The following COL6A5 variants were observed in gnomAD, a reference collection of about 807,000 sequenced individuals.
The protein encoded by COL6A5 is collagen alpha-5(VI) chain.
Under a neutral mutation model 65.6 loss-of-function variants are expected in COL6A5, and 48 were observed. The observed-to-expected ratio is 0.73, with a 90% CI of 0.58 to 0.93. The LOEUF is 0.93. Among genes scored for constraint, COL6A5 ranks in the 40% least tolerant of loss-of-function variants. The probability of loss-of-function intolerance (pLI) is 0.00; values close to 1 mark genes in which losing one functional copy is unlikely to be tolerated. For synonymous variants in COL6A5, 291 were observed against 322.8 expected (o/e 0.90, Z 1.05); for missense variants, 914 against 928.3 (o/e 0.98, Z 0.20).
At chr3:130,472,703 T>C (rs2107618245) in intron 7 of COL6A5, among the ~76,000 whole-genome samples, 1 of 151,672 alleles carries the variant, frequency 6.6e-6, no homozygotes, top group East Asian at 1.9e-4. Flanking sequence ...CTATTTGTGT[T>C]GCCCCAAAGT....
intron 1 of COL6A5, among the ~76,000 whole-genome samples, chr3:130,356,831 A>G (rs1037412939): frequency 6.6e-6 from 1 of 152,194 alleles, no homozygotes; most frequent in African/African-American, 2.4e-5. Context: ...GCAGGCTTGC[A>G]TGTCAAAGCT....
At chr3:130,367,507 C>T (rs965251108) in intron 1 of COL6A5, among the ~76,000 whole-genome samples, 34 of 152,266 alleles carry the variant, frequency 2.2e-4, no homozygotes, top group African/African-American at 5.5e-4. Flanking sequence ...GCACTGGAGA[C>T]GTAAAGATGT....
chr3:130,454,651 C>T (rs1337287119), intron 4 of COL6A5, among the ~76,000 whole-genome samples: 1 of 152,140 alleles, frequency 6.6e-6, no homozygotes, highest in African/African-American at 2.4e-5. Flanking sequence ...TCACAGAGAA[C>T]TCTTAAACTG....
At chr3:130,376,388 G>A in exon 3 of COL6A5, 1 of 1,613,614 alleles carries the variant, frequency 6.2e-7, no homozygotes. Context: ...CCCTGGCCCA[G>A]TACAGCGACG....
Position 130,482,230 on chromosome 3 carries a change from T to G in COL6A5, c.2329-1805T>G, listed in dbSNP as rs137904195. On this transcript the variant is annotated intron_variant, in intron 7 of 7. Coordinates refer to ENST00000512836, the Ensembl canonical transcript of COL6A5. ...CTTGAGTTAATTTTTGTATAAAGTA[T>G]AAGGAAAGGGTCCAGTTTCAGTTTT... Among the ~76,000 whole-genome samples, 1,394 of 152,284 alleles carry G rather than the reference T, an allele frequency of 9.2e-3. 32 individuals carry two copies. Among genetic ancestry groups the G allele is most frequent in the East Asian group, 0.047 (242 of 5,182 alleles).
chr3:130,441,971 A>G (rs7638133), intron 3 of COL6A5, among the ~76,000 whole-genome samples: 2,165 of 152,232 alleles, frequency 0.014, 54 homozygotes, highest in African/African-American at 0.049. Flanking sequence ...TTGCTATTCA[A>G]AGGATCACCC....
rs935415323 is a variant in COL6A5 at position 130,484,800 on chromosome 3, A to G, written c.*759A>G. On this transcript the variant is annotated 3_prime_UTR_variant, in exon 8 of 8. Transcript: ENST00000512836. ...ACCAGAGATGTTCTTGGGAATTACA[A>G]TGTAGCAAGAGATAATTTCTAAAAT... The G allele has an allele frequency of 9.0e-5, 36 of 398,740 alleles. No homozygotes were observed. The East Asian group carries it at 9.6e-4, about 11-fold the overall frequency. 24.7% of individuals were successfully genotyped at this position (398,740 alleles called of 1,614,324 possible).
rs144638181 is a variant in COL6A5, at chr3:130,373,802, C to CA, written c.67+100dup. The CA allele has an allele frequency of 2.1e-3, 1,679 of 782,582 alleles. 22 individuals carry two copies. In the African/African-American group the frequency reaches 0.025, roughly 12 times the overall value. The allele number at this position is 782,582 out of a possible 1,614,324, so 48.5% of individuals were successfully genotyped here. ...AAGAAATAATTTATTTACTAAAAAT[C>CA]AAAGTATGCAGCATTTAGTAATTGT... On this transcript the variant is annotated intron_variant and NMD_transcript_variant, in intron 2 of 41. Transcript: ENST00000312481.
intron 2 of COL6A5, 126 bp from the exon 3 acceptor site, chr3:130,376,111 G>A: frequency 1.0e-6 from 1 of 968,560 alleles, no homozygotes; most frequent in Non-Finnish European, 1.4e-6. Context: ...TTGACCTCCA[G>A]AAGACACTTT....
intron 7 of COL6A5, among the ~76,000 whole-genome samples, chr3:130,393,987 G>T (rs1245071148): frequency 6.8e-6 from 1 of 146,242 alleles, no homozygotes; most frequent in African/African-American, 2.6e-5. Flanking sequence ...GCCCATCTTT[G>T]TGTCTGCCAC....
chr3:130,376,750 A>G, exon 3 of COL6A5: 1 of 1,613,662 alleles, frequency 6.2e-7, no homozygotes, highest in Non-Finnish European at 8.5e-7. Context: ...ACAATCAGAG[A>G]CCTCAGCACA....
rs59725050 is a variant in COL6A5, at chr3:130,404,947, G to A, written c.4282-641G>A. Among the ~76,000 whole-genome samples the A allele has an allele frequency of 5.3e-3, 800 of 152,288 alleles. 11 individuals are homozygous for A. Among genetic ancestry groups the A allele is most frequent in the African/African-American group, 0.015 (642 of 41,554 alleles). On this transcript the variant is annotated intron_variant and NMD_transcript_variant, in intron 13 of 41. Transcript: ENST00000312481. ...TCCTGCCCTCAAAAAGCACAAAATT[G>A]TTCCTTTCTTAAGATCCATTTTACT...
rs1709240329 is a variant in COL6A5 at position 130,443,648 on chromosome 3, C to T, written c.1332+82C>T. 4 of 792,262 alleles carry T rather than the reference C, an allele frequency of 5.0e-6. No individual in the cohort carries two copies. In the East Asian group the frequency reaches 1.0e-4, roughly 20 times the overall value. 49.1% of individuals were successfully genotyped at this position (792,262 alleles called of 1,614,324 possible). On this transcript the variant is annotated intron_variant, in intron 4 of 7. Transcript: ENST00000512836. ...AACTGGTTAATAACACTTTATTAGG[C>T]TGATGATGCTAACAAGGTCTCTGAA...
chr3:130,360,871 A>G (rs903421877), intron 1 of COL6A5, among the ~76,000 whole-genome samples: 2 of 152,124 alleles, frequency 1.3e-5, no homozygotes, highest in Non-Finnish European at 2.9e-5. Context: ...TGGCAAATGC[A>G]TATTTCCATG....
chr3:130,407,707 C>G (rs564290004), intron 17 of COL6A5, among the ~76,000 whole-genome samples: 1 of 152,188 alleles, frequency 6.6e-6, no homozygotes, highest in South Asian at 2.1e-4. Context: ...GTTCTAGGAC[C>G]TGAAATCTCC....
At chr3:130,409,269 A>G in intron 17 of COL6A5, 57 bp from the exon 18 acceptor site, 1 of 1,371,040 alleles carries the variant, frequency 7.3e-7, no homozygotes, top group Non-Finnish European at 9.9e-7. Context: ...TTCACACTTA[A>G]CACCATTATA....
At chr3:130,443,981 C>T (rs1454937395) in intron 4 of COL6A5, among the ~76,000 whole-genome samples, 2 of 152,144 alleles carry the variant, frequency 1.3e-5, no homozygotes, top group Non-Finnish European at 2.9e-5. Context: ...CCCTAGGCAT[C>T]TTTCATGACC....
chr3:130,365,892 G>A (rs967297972), intron 1 of COL6A5, among the ~76,000 whole-genome samples: 11 of 152,278 alleles, frequency 7.2e-5, no homozygotes, highest in African/African-American at 2.6e-4. Context: ...TCTCTAGTGT[G>A]CAGCCAAAAT....
At chr3:130,452,996 T>G (rs1709481293) in intron 4 of COL6A5, among the ~76,000 whole-genome samples, 1 of 152,156 alleles carries the variant, frequency 6.6e-6, no homozygotes, top group Non-Finnish European at 1.5e-5. Flanking sequence ...TGGTCAGAGT[T>G]TAAGGTTACC....
Sources: allele counts gnomAD v4.1 joint callset (sites outside exome capture counted in the v4.1 genomes callset), GRCh38; gene constraint gnomAD v4.1.1; transcripts MANE v1.5; gene names NCBI Gene and HGNC (gene_info 2026-07-23, HGNC 2026-07-21).